PCDHA8: variants seen among roughly 807,000 people sequenced by gnomAD.
PCDHA8 encodes the protein protocadherin alpha-8.
Under a neutral mutation model 61.8 loss-of-function variants are expected in PCDHA8, and 53 were observed. The observed-to-expected ratio is 0.86, with a 90% CI of 0.69 to 1.08. The LOEUF (loss-of-function observed/expected upper bound fraction) is 1.08. Among genes scored for constraint, PCDHA8 ranks in the 50% least tolerant of loss-of-function variants. The probability of loss-of-function intolerance (pLI) is 0.00; values close to 1 mark genes in which losing one functional copy is unlikely to be tolerated. For missense variants in PCDHA8, 1,293 were observed against 1,245.0 expected (o/e 1.04, Z -0.58); for synonymous variants, 618 against 556.6 (o/e 1.11, Z -1.55).
intron 1 of PCDHA8, among the ~76,000 whole-genome samples, chr5:140,949,801 C>T (rs964520875): frequency 6.6e-5 from 10 of 151,836 alleles, no homozygotes; most frequent in African/African-American, 2.4e-4. Context: ...TCCTTCAATA[C>T]ATTATTTGCT....
chr5:140,853,632 CA>C, intron 1 of PCDHA8: 1 of 988,598 alleles, frequency 1.0e-6, no homozygotes, highest in South Asian at 4.7e-5. Flanking sequence ...TACAAGATCA[CA>C]GACCTAAATT....
At position 140,850,402 on chromosome 5, in the gene PCDHA8, C is replaced by T. The variant is rs2150482432; in HGVS notation, c.2394+6687C>T. On this transcript the variant is annotated intron_variant, in intron 1 of 3. Coordinates refer to ENST00000531613, the MANE Select transcript of PCDHA8 (RefSeq NM_018911.3). ...ACGGGCGAGATCAGCACAACGCGTG[C>T]CCTGGACGAAACGGACGCACCGCGC... 60 of 1,597,956 alleles carry T rather than the reference C, an allele frequency of 3.8e-5. 2 individuals carry two copies. The East Asian group carries it at 1.1e-3, about 30-fold the overall frequency.
intron 2 of PCDHA8, among the ~76,000 whole-genome samples, chr5:140,979,404 C>T (rs2096848893): frequency 6.6e-6 from 1 of 151,980 alleles, no homozygotes; most frequent in Non-Finnish European, 1.5e-5. Context: ...ATGTTGTCTA[C>T]CTTGTTTTTT....
At position 140,852,587 on chromosome 5, in the gene PCDHA8, T is replaced by A. The variant is rs2150519180; in HGVS notation, c.2394+8872T>A. The stretch of plus-strand genomic sequence containing the variant: ...CACTGTGCCAAGGCTTTTTTATTTT[T>A]TTTTTTTGTCATTTTCTTTCAAAAC... On this transcript the variant is annotated intron_variant, in intron 1 of 3. Coordinates refer to ENST00000531613, the MANE Select transcript of PCDHA8 (RefSeq NM_018911.3). 5.8e-4 allele frequency: 511 copies of A among 881,870 alleles called. 32 individuals carry two copies. Among genetic ancestry groups the A allele is most frequent in the Admixed American group, 7.6e-4 (12 of 15,710 alleles). 54.6% of individuals were successfully genotyped at this position (881,870 alleles called of 1,614,324 possible).
rs1455444799 is a variant in PCDHA8, at chr5:140,876,953, T to C, written c.2394+33238T>C. On this transcript the variant is annotated intron_variant, in intron 1 of 3. Coordinates refer to ENST00000531613, the MANE Select transcript of PCDHA8 (RefSeq NM_018911.3). ...AAGAACGCGCTGGTGTCCTACTCGCTGGTGGAGCGGCGGGTGGGCGAGCAC... is the reference window on the plus strand; with the variant it reads ...AAGAACGCGCTGGTGTCCTACTCGCCGGTGGAGCGGCGGGTGGGCGAGCAC... The C allele has an allele frequency of 1.1e-5, 17 of 1,613,306 alleles. No homozygotes were observed. Among genetic ancestry groups the C allele is most frequent in the Non-Finnish European group, 1.4e-5 (17 of 1,179,866 alleles).
At chr5:140,876,740 T>G (rs782650836) in intron 1 of PCDHA8, 2 of 1,614,236 alleles carry the variant, frequency 1.2e-6, no homozygotes, top group East Asian at 4.5e-5. Context: ...GCCTATGAGC[T>G]GGTGGTGACT....
chr5:140,857,959 T>G, intron 1 of PCDHA8: 1 of 1,597,228 alleles, frequency 6.3e-7, no homozygotes, highest in Non-Finnish European at 8.6e-7. Context: ...GCGCTCTGGA[T>G]GAGACTGACT....
rs1478499072 is a variant in PCDHA8 at position 140,882,356 on chromosome 5, C to T, written c.2394+38641C>T. 4 of 1,614,070 alleles carry T rather than the reference C, an allele frequency of 2.5e-6. No individual in the cohort carries two copies. The Admixed American group carries it at 5.0e-5, about 20-fold the overall frequency. On this transcript the variant is annotated intron_variant, in intron 1 of 3. Coordinates refer to ENST00000531613, the MANE Select transcript of PCDHA8 (RefSeq NM_018911.3). ...CGCAGCCTGGGAGACGGGTAGTGGC[C>T]AGCTCCACTACTCCGTCCCCGAGGA... is the stretch of plus-strand genomic sequence containing the variant.
chr5:140,952,113 G>T (rs2094688731), intron 1 of PCDHA8, among the ~76,000 whole-genome samples: 1 of 151,990 alleles, frequency 6.6e-6, no homozygotes. Flanking sequence ...TCGTGTGAGG[G>T]ATGGGCTCCC....
At chr5:140,858,464 T>C in intron 1 of PCDHA8, 6 of 1,523,496 alleles carry the variant, frequency 3.9e-6, no homozygotes, top group South Asian at 1.2e-5. Context: ...CATTTTCCTT[T>C]TGTGCTTTAT....
chr5:140,906,644 T>C (rs1167181721), intron 1 of PCDHA8, among the ~76,000 whole-genome samples: 3 of 152,232 alleles, frequency 2.0e-5, no homozygotes, highest in Admixed American at 6.5e-5. Flanking sequence ...CAGCAGGTAG[T>C]GGTTTTTTCC....
intron 3 of PCDHA8, among the ~76,000 whole-genome samples, chr5:141,005,737 G>GATGAGAA (rs1365089563): frequency 2.8e-5 from 4 of 143,576 alleles, no homozygotes; most frequent in Non-Finnish European, 6.0e-5. Context: ...AAAAAGAATG[G>GATGAGAA]ATGAGAAATC....
chr5:140,928,592 T>G (rs781970359), intron 1 of PCDHA8: 1 of 1,614,178 alleles, frequency 6.2e-7, no homozygotes, highest in Non-Finnish European at 8.5e-7. Context: ...TCTGTCCCAG[T>G]GGAAATTGTG....
At position 141,010,400 on chromosome 5, in the gene PCDHA8, T is replaced by C. The variant is rs145123720; in HGVS notation, c.*463T>C. 379 of 1,297,746 alleles carry C rather than the reference T, an allele frequency of 2.9e-4. No individual in the cohort carries two copies. Among genetic ancestry groups the C allele is most frequent in the Non-Finnish European group, 3.8e-4 (370 of 966,092 alleles). 80.4% of individuals were successfully genotyped at this position (1,297,746 alleles called of 1,614,324 possible). ...CAGATATTGGCTGAGACGAGCCAGC[T>C]TAGACTAATTGGTACAAGGAAGGCA... On this transcript the variant is annotated 3_prime_UTR_variant, in exon 4 of 4. Transcript: ENST00000531613.
chr5:140,966,800 G>T, intron 1 of PCDHA8: 1 of 1,540,654 alleles, frequency 6.5e-7, no homozygotes, highest in East Asian at 2.4e-5. Flanking sequence ...TGCGGCGACA[G>T]AGCATCCACG....
chr5:140,988,387 T>G (rs1337322360), intron 3 of PCDHA8, among the ~76,000 whole-genome samples: 1 of 152,202 alleles, frequency 6.6e-6, no homozygotes, highest in Non-Finnish European at 1.5e-5. Flanking sequence ...CTCATTGTGT[T>G]TGCCAGAGTT....
intron 3 of PCDHA8, among the ~76,000 whole-genome samples, chr5:141,007,101 A>T (rs1412645072): frequency 6.6e-5 from 10 of 152,188 alleles, no homozygotes; most frequent in African/African-American, 1.7e-4. Flanking sequence ...TCTAGGGCCA[A>T]ACCCAAGGAA....
chr5:140,885,096 A>G (rs2060465078), intron 1 of PCDHA8, among the ~76,000 whole-genome samples: 1 of 152,160 alleles, frequency 6.6e-6, no homozygotes, highest in Non-Finnish European at 1.5e-5. Flanking sequence ...AACTTTTCAC[A>G]TAAATGCTTT....
intron 3 of PCDHA8, among the ~76,000 whole-genome samples, chr5:140,995,650 A>T (rs1166713964): frequency 6.6e-6 from 1 of 152,182 alleles, no homozygotes; most frequent in Non-Finnish European, 1.5e-5. Context: ...GAAAAGGAGA[A>T]TCGAAAAGGG....
Sources: gnomAD v4.1 joint callset for allele counts (sites outside exome capture counted in the v4.1 genomes callset) on GRCh38, gnomAD v4.1.1 for gene constraint, MANE v1.5 for transcripts, NCBI Gene and HGNC (gene_info 2026-07-23, HGNC 2026-07-21) for gene names.